Variants in MYO7B observed in about 807,000 individuals in gnomAD.
MYO7B encodes unconventional myosin-VIIb.
In MYO7B, 212 loss-of-function variants were observed where a neutral mutation model predicts 259.7. The ratio of observed to expected loss-of-function variants is 0.82; its 90% confidence interval spans 0.73 to 0.91. The LOEUF is 0.91. Ranked by LOEUF, MYO7B falls within the 40% of genes least tolerant of loss-of-function variation. The pLI is 0.00. For missense variants in MYO7B, 2,732 were observed against 2,813.5 expected, an observed-to-expected ratio of 0.97 and a Z score of 0.66; for synonymous variants, 1,197 against 1,166.4, an observed-to-expected ratio of 1.03 and a Z score of -0.54.
At chr2:127,617,852 T>A (rs1680639789) in intron 26 of MYO7B, among the ~76,000 whole-genome samples, 1 of 92,632 alleles carries the variant, frequency 1.1e-5, no homozygotes, top group South Asian at 4.9e-4. Context: ...TTTCTGGGCT[T>A]TAGTTTTTTT....
At chr2:127,623,946 A>G in intron 29 of MYO7B, 147 bp from the exon 30 acceptor site, 2 of 680,132 alleles carry the variant, frequency 2.9e-6, no homozygotes, top group Non-Finnish European at 4.9e-6. Context: ...TCAGGTGTCC[A>G]CACGGGCTCA....
At chr2:127,598,558 G>T (rs770389848) in intron 19 of MYO7B, among the ~76,000 whole-genome samples, 5 of 152,208 alleles carry the variant, frequency 3.3e-5, no homozygotes, top group Non-Finnish European at 5.9e-5. Context: ...TCTTAAGAGG[G>T]CTTTGCAGAG....
In MYO7B at chr2:127,636,651, G is replaced by A. The variant is rs373335792; in HGVS notation, c.6207+23G>A. 6.2e-6 allele frequency: 10 copies of A among 1,609,156 alleles called. No individual in the cohort carries two copies. Among genetic ancestry groups the A allele is most frequent in the South Asian group, 1.1e-5 (1 of 90,524 alleles). ...AAGGTAGCTGCTGGGCCTCCGGAGG[G>A]GCTGGGGGCCACCAGGTCCAGGGAC... is the stretch of plus-strand genomic sequence containing the variant. On this transcript the variant is annotated intron_variant, in intron 46 of 47. Coordinates refer to ENST00000409816, the MANE Select transcript of MYO7B (RefSeq NM_001393586.1). This position sits in a 1 kb window ranked among gnomAD's most constrained non-coding sequence, Gnocchi z 4.5.
rs571476272 is a variant in MYO7B, at chr2:127,608,610, C to G, written c.2644-98C>G. The stretch of plus-strand genomic sequence containing the variant: ...ACAAATGATGGCAGGATGAGGCTTA[C>G]TTGGCTTCTGGGAGGTGCTTGCCCT... On this transcript the variant is annotated intron_variant, in intron 21 of 47. Coordinates refer to ENST00000409816, the MANE Select transcript of MYO7B (RefSeq NM_001393586.1). The G allele has an allele frequency of 5.0e-5, 67 of 1,335,480 alleles. No homozygotes were observed. The African/African-American group carries it at 8.8e-4, about 18-fold the overall frequency. 82.7% of individuals were successfully genotyped at this position (1,335,480 alleles called of 1,614,324 possible).
At chr2:127,562,441 C>T (rs189198588) in intron 2 of MYO7B, among the ~76,000 whole-genome samples, 90 of 150,850 alleles carry the variant, frequency 6.0e-4, no homozygotes, top group African/African-American at 2.1e-3. Context: ...GGATTACAGG[C>T]GCCCACCACC....
Position 127,633,941 on chromosome 2 carries a change from GCT to G in MYO7B, c.5512-231_5512-230del, listed in dbSNP as rs566342254. Among the ~76,000 whole-genome samples, 63 of 152,382 alleles carry G rather than the reference GCT, an allele frequency of 4.1e-4. 1 individual carries two copies. The South Asian group carries it at 0.011, about 28-fold the overall frequency. On this transcript the variant is annotated intron_variant, in intron 40 of 47. Coordinates refer to ENST00000409816, the MANE Select transcript of MYO7B (RefSeq NM_001393586.1). ...GAAGTTCCCACAGTCTGGCTGCTGG[GCT>G]CTCAAGGCGAGTCAAAAGGCCAGGC...
At position 127,576,582 on chromosome 2, in the gene MYO7B, C is replaced by T; in HGVS notation, c.736-13C>T. On this transcript the variant is annotated splice_polypyrimidine_tract_variant and intron_variant, in intron 7 of 47. Coordinates refer to ENST00000409816, the MANE Select transcript of MYO7B (RefSeq NM_001393586.1). The surrounding 1 kb of genome is among the most constrained non-coding windows in gnomAD (Gnocchi z 4.9). The stretch of plus-strand genomic sequence containing the variant: ...CTCATGAATCTGTCTGGAATGCCCT[C>T]CCTCCCTCCCAGGCTCCCGAGGAGC... 6.8e-7 allele frequency: 1 copy of T among 1,474,954 alleles called. No individual in the cohort carries two copies. Among genetic ancestry groups the T allele is most frequent in the Non-Finnish European group, 9.4e-7 (1 of 1,062,594 alleles). The allele number at this position is 1,474,954 out of a possible 1,614,324, so 91.4% of individuals were successfully genotyped here. A position where few individuals can be genotyped will look rare whatever the true frequency, so the allele number is the denominator to read the frequency against.
chr2:127,628,588 G>T lies in MYO7B; in HGVS notation c.4624+53G>T. The T allele has an allele frequency of 7.2e-7, 1 of 1,380,282 alleles. No individual in the cohort carries two copies. Among genetic ancestry groups the T allele is most frequent in the Non-Finnish European group, 9.8e-7 (1 of 1,017,618 alleles). The allele number at this position is 1,380,282 out of a possible 1,614,324, so 85.5% of individuals were successfully genotyped here. A position where few individuals can be genotyped will look rare whatever the true frequency, so the allele number is the denominator to read the frequency against. ...GTGGGGTGGGGTGGGGGAGGGCCGC[G>T]CATGGGGTCTGTAGGTAGGTGGCAT... On this transcript the variant is annotated intron_variant, in intron 34 of 47. Transcript: ENST00000409816. This position sits in a 1 kb window ranked among gnomAD's most constrained non-coding sequence, Gnocchi z 4.8.
chr2:127,553,152 A>G (rs1326935086), intron 1 of MYO7B, among the ~76,000 whole-genome samples: 5 of 152,354 alleles, frequency 3.3e-5, no homozygotes, highest in African/African-American at 2.4e-5. Flanking sequence ...GTATTGACTG[A>G]TGGCTATGGC....
intron 31 of MYO7B, chr2:127,626,354 G>C (rs935141731): frequency 6.5e-6 from 1 of 152,872 alleles, no homozygotes; most frequent in Non-Finnish European, 1.5e-5. Context: ...GCTGGCAAGA[G>C]CGAGCCTGGG....
intron 26 of MYO7B, among the ~76,000 whole-genome samples, chr2:127,617,617 C>T (rs887690286): frequency 6.7e-6 from 1 of 148,578 alleles, no homozygotes; most frequent in Non-Finnish European, 1.5e-5. Flanking sequence ...ATTCTCCTGC[C>T]TCAGCCTCCC....
At chr2:127,599,413 C>T (rs1272800569) in intron 19 of MYO7B, among the ~76,000 whole-genome samples, 1 of 152,192 alleles carries the variant, frequency 6.6e-6, no homozygotes, top group Non-Finnish European at 1.5e-5. Context: ...CCTTGCTGAG[C>T]TCACTTTTCA....
At chr2:127,616,522 A>G (rs999870945) in intron 26 of MYO7B, among the ~76,000 whole-genome samples, 2 of 152,258 alleles carry the variant, frequency 1.3e-5, no homozygotes, top group African/African-American at 4.8e-5. Flanking sequence ...ATCCGAATCA[A>G]CAACTCCTGG....
chr2:127,618,400 G>A (rs891808715), intron 26 of MYO7B, among the ~76,000 whole-genome samples: 4 of 152,186 alleles, frequency 2.6e-5, no homozygotes, highest in Non-Finnish European at 5.9e-5. Context: ...TTATTGGGTA[G>A]AATAAGCAGG....
chr2:127,635,350 G>A, intron 43 of MYO7B, 124 bp downstream of exon 43: 1 of 920,790 alleles, frequency 1.1e-6, no homozygotes, highest in South Asian at 1.5e-5. Flanking sequence ...AGCCCATGTG[G>A]TAGGCAGACC....
rs985132139 is a variant in MYO7B at position 127,586,958 on chromosome 2, C to T, written c.1691-1434C>T. Among the ~76,000 whole-genome samples the T allele has an allele frequency of 6.6e-6, 1 of 152,122 alleles. No individual in the cohort carries two copies. The highest frequency in any genetic ancestry group is 1.5e-5 in the Non-Finnish European group (1 of 68,008). On this transcript the variant is annotated intron_variant, in intron 14 of 47. Transcript: ENST00000409816. The surrounding 1 kb of genome is among the most constrained non-coding windows in gnomAD (Gnocchi z 4.8). ...TCCACCCCCTGCCCAGCACCCAGTG[C>T]AGCCCCCCTGGTGCTGCTCCCCTCA...
At chr2:127,617,855 G>GTT (rs34544960) in intron 26 of MYO7B, among the ~76,000 whole-genome samples, 43,989 of 139,708 alleles carry the variant, frequency 0.31, 7,526 homozygotes, top group South Asian at 0.5. Context: ...CTGGGCTTTA[G>GTT]TTTTTTTTTT....
At chr2:127,634,566 C>T (rs1681695189) in intron 41 of MYO7B, 30 bp from the exon 42 acceptor site, 5 of 1,586,392 alleles carry the variant, frequency 3.2e-6, no homozygotes, top group Non-Finnish European at 4.3e-6. Flanking sequence ...CGGAAGCCAC[C>T]CAACTTCCCT....
rs976444472 is a variant in MYO7B, at chr2:127,609,240, G to A, written c.2815-266G>A. Among the ~76,000 whole-genome samples the A allele has an allele frequency of 1.3e-5, 2 of 151,874 alleles. No homozygotes were observed. The highest frequency in any genetic ancestry group is 2.9e-5 in the Non-Finnish European group (2 of 67,900). On this transcript the variant is annotated intron_variant, in intron 22 of 47. Coordinates refer to ENST00000409816, the MANE Select transcript of MYO7B (RefSeq NM_001393586.1). This position sits in a 1 kb window ranked among gnomAD's most constrained non-coding sequence, Gnocchi z 6.9. ...AAGCTGCAGTGAGGATGGTGCATGC[G>A]GCAGAGGACACAGTGTCTGAGCGTG...
Sources: gnomAD v4.1 joint callset for allele counts (sites outside exome capture counted in the v4.1 genomes callset) on GRCh38, gnomAD v4.1.1 for gene constraint, Gnocchi (gnomAD v3.1) non-coding constraint, MANE v1.5 for transcripts, NCBI Gene and HGNC (gene_info 2026-07-23, HGNC 2026-07-21) for gene names.